The following SORCS1 variants were observed in gnomAD, a reference collection of about 807,000 sequenced individuals.
SORCS1 encodes VPS10 domain-containing receptor SorCS1.
In SORCS1, 60 loss-of-function variants were observed where a neutral mutation model predicts 146.1. That is an observed-to-expected ratio of 0.41 (90% CI 0.33 to 0.51). The LOEUF is 0.51. Ranked by LOEUF, SORCS1 falls within the 20% of genes least tolerant of loss-of-function variation. The pLI, the probability that SORCS1 is intolerant of heterozygous loss-of-function variation, is 0.21. For missense variants in SORCS1, 1,352 were observed against 1,487.6 expected, an observed-to-expected ratio of 0.91 and a Z score of 1.50; for synonymous variants, 637 against 584.0, an observed-to-expected ratio of 1.09 and a Z score of -1.31.
At chr10:106,783,030 A>G (rs1233983233) in intron 3 of SORCS1, among the ~76,000 whole-genome samples, 1 of 152,244 alleles carries the variant, frequency 6.6e-6, no homozygotes, top group Admixed American at 6.5e-5. Context: ...AAGAAATAGT[A>G]AGGGGCCTGG....
rs1053855460 is a variant in SORCS1, at chr10:106,574,621, C to T, written c.*2799G>A. ...CAACAGAGAACACCACTATTCATCC[C>T]CTAGAGTTTCTAATTCAGTAGGTAT... On this transcript the variant is annotated 3_prime_UTR_variant, in exon 26 of 26. Transcript: ENST00000263054. The T allele has an allele frequency of 2.0e-5, 3 of 152,344 alleles. No individual in the cohort carries two copies. Among genetic ancestry groups the T allele is most frequent in the South Asian group, 2.1e-4 (1 of 4,822 alleles). The allele number at this position is 152,344 out of a possible 1,614,324, so 9.4% of individuals were successfully genotyped here. A position where few individuals can be genotyped will look rare whatever the true frequency, so the allele number is the denominator to read the frequency against.
intron 10 of SORCS1, among the ~76,000 whole-genome samples, chr10:106,684,656 G>A (rs1663198421): frequency 6.6e-6 from 1 of 152,108 alleles, no homozygotes; most frequent in African/African-American, 2.4e-5. Flanking sequence ...ATTTTTACCA[G>A]GAACACTGCA....
At chr10:107,083,199 A>T (rs1963476992) in intron 1 of SORCS1, among the ~76,000 whole-genome samples, 1 of 152,120 alleles carries the variant, frequency 6.6e-6, no homozygotes, top group Admixed American at 6.5e-5. Flanking sequence ...AGGTAACAAA[A>T]TGAAGATGGA....
chr10:106,618,471 G>C (rs1847524748), intron 20 of SORCS1, among the ~76,000 whole-genome samples, 199 bp from the exon 21 acceptor site: 1 of 152,158 alleles, frequency 6.6e-6, no homozygotes, highest in African/African-American at 2.4e-5. Context: ...ATGACTCCAA[G>C]CAAGTCTGCC....
At chr10:106,981,452 A>G (rs1956243386) in intron 1 of SORCS1, among the ~76,000 whole-genome samples, 2 of 152,230 alleles carry the variant, frequency 1.3e-5, no homozygotes, top group Non-Finnish European at 2.9e-5. Context: ...TCTAATAAAC[A>G]CCAACTACAA....
rs56413815 is a variant in SORCS1 at position 107,063,031 on chromosome 10, T to G, written c.558+100938A>C. ...GACTCGTAAGAACCTTACTAGGCTCTGTGAGAGGTTCTGTGATGAATGACT... is the reference window on the plus strand; with the variant it reads ...GACTCGTAAGAACCTTACTAGGCTCGGTGAGAGGTTCTGTGATGAATGACT... On this transcript the variant is annotated intron_variant, in intron 1 of 25. Coordinates refer to ENST00000263054, the MANE Select transcript of SORCS1 (RefSeq NM_052918.5). Among the ~76,000 whole-genome samples, 9 of 152,308 alleles carry G rather than the reference T, an allele frequency of 5.9e-5. No individual in the cohort carries two copies. In the East Asian group the frequency reaches 1.7e-3, roughly 29 times the overall value.
intron 8 of SORCS1, among the ~76,000 whole-genome samples, chr10:106,700,740 C>A (rs1022596033): frequency 6.6e-6 from 1 of 152,162 alleles, no homozygotes; most frequent in African/African-American, 2.4e-5. Flanking sequence ...ATCCTCTTTA[C>A]CGTTTATCAC....
intron 4 of SORCS1, among the ~76,000 whole-genome samples, chr10:106,763,294 G>A (rs961693072): frequency 7.2e-5 from 11 of 152,084 alleles, no homozygotes; most frequent in Admixed American, 5.2e-4. Context: ...GGGCGCCAGC[G>A]TTTGTGGTTC....
At chr10:107,104,411 C>T (rs1251357021) in intron 1 of SORCS1, among the ~76,000 whole-genome samples, 1 of 152,186 alleles carries the variant, frequency 6.6e-6, no homozygotes, top group East Asian at 1.9e-4. Flanking sequence ...GCTTTCGTCA[C>T]CTTCCTTCTC....
intron 1 of SORCS1, among the ~76,000 whole-genome samples, chr10:107,044,886 G>A (rs1389610604): frequency 6.6e-6 from 1 of 150,928 alleles, no homozygotes; most frequent in Non-Finnish European, 1.5e-5. Flanking sequence ...GCATCAGATA[G>A]ATGGAAAGGG....
chr10:106,932,647 G>A (rs1953477899), intron 2 of SORCS1, among the ~76,000 whole-genome samples: 1 of 152,156 alleles, frequency 6.6e-6, no homozygotes, highest in Admixed American at 6.5e-5. Context: ...AAGAAATCCA[G>A]ACCAAGTTTT....
chr10:107,064,980 G>A (rs192841465), intron 1 of SORCS1, among the ~76,000 whole-genome samples: 10 of 152,208 alleles, frequency 6.6e-5, no homozygotes, highest in African/African-American at 1.2e-4. Flanking sequence ...AGGCAACTCC[G>A]GCCCCCAAGC....
intron 1 of SORCS1, among the ~76,000 whole-genome samples, chr10:106,979,798 A>T (rs935057545): frequency 4.6e-5 from 7 of 152,200 alleles, no homozygotes; most frequent in African/African-American, 1.7e-4. Context: ...TCAGACTGCC[A>T]GGCTGGTGCC....
chr10:106,654,779 G>A (rs538071166), intron 17 of SORCS1, among the ~76,000 whole-genome samples: 26 of 152,090 alleles, frequency 1.7e-4, no homozygotes, highest in East Asian at 3.8e-4. Flanking sequence ...CCAAAACTCC[G>A]CTCCAGACAT....
intron 1 of SORCS1, among the ~76,000 whole-genome samples, chr10:107,031,000 C>T (rs4918280): frequency 0.48 from 72,919 of 151,966 alleles, 19,590 homozygotes; most frequent in African/African-American, 0.74. Flanking sequence ...GAGAAACCAT[C>T]AGATTAAAAA....
chr10:106,772,388 G>A (rs1860087571), intron 4 of SORCS1, among the ~76,000 whole-genome samples: 1 of 151,994 alleles, frequency 6.6e-6, no homozygotes. Flanking sequence ...TGTCCAGCTT[G>A]CAGATGGCAG....
intron 1 of SORCS1, among the ~76,000 whole-genome samples, chr10:107,018,118 C>T (rs1186457766): frequency 6.6e-6 from 1 of 152,136 alleles, no homozygotes; most frequent in Non-Finnish European, 1.5e-5. Flanking sequence ...CTAAGTTCCC[C>T]CTAGTTGATT....
intron 15 of SORCS1, among the ~76,000 whole-genome samples, chr10:106,671,761 A>G (rs1851625193): frequency 6.6e-6 from 1 of 152,198 alleles, no homozygotes; most frequent in South Asian, 2.1e-4. Context: ...TGAGGGCATG[A>G]AAGAGGAGCA....
chr10:107,106,890 A>G (rs1339784933), intron 1 of SORCS1, among the ~76,000 whole-genome samples: 1 of 152,214 alleles, frequency 6.6e-6, no homozygotes, highest in African/African-American at 2.4e-5. Context: ...GAGGATACAA[A>G]GAGAAAATGG....
Sources: gnomAD v4.1 joint callset for allele counts (sites outside exome capture counted in the v4.1 genomes callset) on GRCh38, gnomAD v4.1.1 for gene constraint, MANE v1.5 for transcripts, NCBI Gene and HGNC (gene_info 2026-07-23, HGNC 2026-07-21) for gene names.